The following SHANK2 variants were observed in gnomAD, a reference collection of about 807,000 sequenced individuals.
SHANK2 encodes SH3 and multiple ankyrin repeat domains 2.
In SHANK2, 43 loss-of-function variants were observed where a neutral mutation model predicts 133.7. The ratio of observed to expected loss-of-function variants is 0.32; its 90% CI spans 0.25 to 0.41. The LOEUF is 0.41. SHANK2 is among the 10% of genes least tolerant of loss of function. The probability of loss-of-function intolerance (pLI) is 1.00; values close to 1 mark genes in which losing one functional copy is unlikely to be tolerated. For missense variants in SHANK2, 1,994 were observed against 2,235.8 expected (o/e 0.89, Z 2.18); for synonymous variants, 1,017 against 952.8 (o/e 1.07, Z -1.24).
At chr11:71,158,094 T>G (rs1195566111) in intron 2 of SHANK2, among the ~76,000 whole-genome samples, 1 of 152,230 alleles carries the variant, frequency 6.6e-6, no homozygotes, top group Non-Finnish European at 1.5e-5. Flanking sequence ...ACTCAAATCC[T>G]GTAGCAAACA....
intron 11 of SHANK2, among the ~76,000 whole-genome samples, chr11:70,853,414 G>A (rs560630364): frequency 3.3e-4 from 51 of 152,300 alleles, no homozygotes; most frequent in East Asian, 1.9e-4. Context: ...TGAGTGCGTC[G>A]GCCATTGTCA....
chr11:70,639,939 C>T (rs1444520237), intron 17 of SHANK2, among the ~76,000 whole-genome samples: 2 of 152,172 alleles, frequency 1.3e-5, no homozygotes, highest in African/African-American at 2.4e-5. Context: ...AGGTCTCAGA[C>T]ATAAGGAGGA....
intron 10 of SHANK2, among the ~76,000 whole-genome samples, chr11:70,930,659 C>CTTTTTTTTTT (rs367913415): frequency 3.5e-5 from 4 of 114,194 alleles, no homozygotes; most frequent in Non-Finnish European, 5.4e-5. Context: ...ATTTCTTTGT[C>CTTTTTTTTTT]TTTTTTTTTT....
chr11:71,117,042 A>T (rs1199423926), intron 4 of SHANK2, among the ~76,000 whole-genome samples: 2 of 152,130 alleles, frequency 1.3e-5, no homozygotes, highest in Non-Finnish European at 2.9e-5. Context: ...TGTTTTAGAT[A>T]GAGTTTCAGT....
chr11:70,552,834 G>GA (rs2059787247), intron 17 of SHANK2, among the ~76,000 whole-genome samples: 1 of 152,116 alleles, frequency 6.6e-6, no homozygotes, highest in African/African-American at 2.4e-5. Context: ...CCCAGTTCCG[G>GA]AAGCCTCTAG....
At chr11:70,557,917 A>G (rs2059854741) in intron 17 of SHANK2, among the ~76,000 whole-genome samples, 1 of 152,196 alleles carries the variant, frequency 6.6e-6, no homozygotes, top group Non-Finnish European at 1.5e-5. Flanking sequence ...CACTGCTACT[A>G]TTTGAACACT....
At chr11:71,057,913 G>A (rs920223068) in intron 9 of SHANK2, among the ~76,000 whole-genome samples, 44 of 117,102 alleles carry the variant, frequency 3.8e-4, no homozygotes, top group African/African-American at 2.4e-3. Context: ...CAAGCAAAAC[G>A]GTTTTTTTTT....
intron 17 of SHANK2, among the ~76,000 whole-genome samples, chr11:70,578,452 G>A (rs1261090305): frequency 1.3e-5 from 2 of 152,202 alleles, no homozygotes; most frequent in Non-Finnish European, 2.9e-5. Context: ...GGCGCATCAC[G>A]ACGCACAGCC....
chr11:70,924,581 C>G (rs922220075), intron 10 of SHANK2, among the ~76,000 whole-genome samples: 2 of 152,134 alleles, frequency 1.3e-5, no homozygotes, highest in African/African-American at 4.8e-5. Context: ...CTCAGCCTCC[C>G]GAGTAGCTGG....
chr11:70,950,815 GTTTT>G (rs1162851685), intron 10 of SHANK2, among the ~76,000 whole-genome samples: 3 of 151,986 alleles, frequency 2.0e-5, no homozygotes, highest in Non-Finnish European at 4.4e-5. Flanking sequence ...GTATGTATGT[GTTTT>G]TTGTTTTGTT....
intron 2 of SHANK2, among the ~76,000 whole-genome samples, chr11:71,150,366 G>C (rs1952773340): frequency 9.2e-6 from 1 of 108,338 alleles, no homozygotes; most frequent in African/African-American, 3.6e-5. Context: ...GAGGGAGAGG[G>C]AGGGACAAGG....
intron 1 of SHANK2, among the ~76,000 whole-genome samples, chr11:71,247,558 T>C (rs1382574827): frequency 1.3e-5 from 2 of 150,840 alleles, no homozygotes; most frequent in Non-Finnish European, 2.9e-5. Flanking sequence ...AGCAGGGCCA[T>C]GGCAGAGCTG....
At chr11:70,514,259 AAC>A (rs1441853423) in intron 17 of SHANK2, among the ~76,000 whole-genome samples, 2 of 152,232 alleles carry the variant, frequency 1.3e-5, no homozygotes, top group Admixed American at 6.5e-5. Context: ...AAGTAAAAAA[AAC>A]ACAACTAGAA....
intron 23 of SHANK2, chr11:70,489,604 G>C: frequency 3.6e-6 from 2 of 549,790 alleles, no homozygotes; most frequent in Non-Finnish European, 6.5e-6. Flanking sequence ...GAGTCCCAGG[G>C]TTGCCTCCAC....
At chr11:70,784,943 T>C (rs1484749944) in intron 14 of SHANK2, among the ~76,000 whole-genome samples, 1 of 152,172 alleles carries the variant, frequency 6.6e-6, no homozygotes, top group Non-Finnish European at 1.5e-5. Context: ...GGCTGAGCTG[T>C]CAGGGCCAGG....
intron 19 of SHANK2, 78 bp from the exon 20 acceptor site, chr11:70,502,009 G>A (rs1310952308): frequency 8.8e-6 from 13 of 1,475,554 alleles, no homozygotes; most frequent in African/African-American, 2.8e-5. Flanking sequence ...TAGCAACAAC[G>A]CCCCGCGAGG....
chr11:71,093,127 G>A (rs1419019658), intron 7 of SHANK2, among the ~76,000 whole-genome samples: 2 of 151,454 alleles, frequency 1.3e-5, no homozygotes, highest in Non-Finnish European at 2.9e-5. Flanking sequence ...CAGAAATGCA[G>A]GGCAGGCTGA....
At chr11:70,505,557 G>A (rs1272490832) in intron 17 of SHANK2, among the ~76,000 whole-genome samples, 1 of 152,154 alleles carries the variant, frequency 6.6e-6, no homozygotes, top group Non-Finnish European at 1.5e-5. Flanking sequence ...CTTGAGATGG[G>A]CTGGGACCAG....
rs537436850 is a variant in SHANK2 at position 70,590,459 on chromosome 11, C to A, written c.2061+69369G>T. 6.6e-5 allele frequency among the ~76,000 whole-genome samples: 10 copies of A among 152,292 alleles called. No individual in the cohort carries two copies. In the East Asian group the frequency reaches 1.9e-3, roughly 29 times the overall value. ...AAATGCTATCAAACAGCATTGCATG[C>A]TACAGAGACACCTTTCATGAAAGGA... On this transcript the variant is annotated intron_variant, in intron 17 of 25. Coordinates refer to ENST00000601538, the MANE Select transcript of SHANK2 (RefSeq NM_012309.5).
Sources: allele counts gnomAD v4.1 joint callset (sites outside exome capture counted in the v4.1 genomes callset), GRCh38; gene constraint gnomAD v4.1.1; transcripts MANE v1.5; gene names NCBI Gene and HGNC (gene_info 2026-07-23, HGNC 2026-07-21).